Variants in VPS13A observed in about 807,000 individuals in gnomAD.
VPS13A encodes vacuolar protein sorting 13 homolog A, also known as intermembrane lipid transfer protein VPS13A.
A neutral mutation model predicts 390.9 loss-of-function variants in VPS13A; 264 were observed. The ratio of observed to expected loss-of-function variants is 0.68; its 90% confidence interval spans 0.61 to 0.75. The LOEUF (loss-of-function observed/expected upper bound fraction) is 0.75, where lower values mean the gene tolerates loss of function less well. Among genes scored for constraint, VPS13A ranks in the 30% least tolerant of loss-of-function variants. VPS13A has a pLI of 0.00. For missense variants in VPS13A, 3,409 were observed against 3,733.9 expected, an observed-to-expected ratio of 0.91 and a Z score of 2.27; for synonymous variants, 1,231 against 1,227.1, an observed-to-expected ratio of 1.00 and a Z score of -0.07.
At chr9:77,212,252 T>C (rs1204672212) in intron 7 of VPS13A, among the ~76,000 whole-genome samples, 1 of 152,154 alleles carries the variant, frequency 6.6e-6, no homozygotes, top group Non-Finnish European at 1.5e-5. Context: ...CCAGGCAATA[T>C]ACCTGGTTTT....
In VPS13A at chr9:77,283,344, T is replaced by C; in HGVS notation, c.3119-11T>C. Reference sequence around the variant, plus strand: ...TTCCTCATGTTTTATAATATGAATTTTTTTTTGCAGCTTTAAAACTATCCA... The same window carrying C: ...TTCCTCATGTTTTATAATATGAATTCTTTTTTGCAGCTTTAAAACTATCCA... On this transcript the variant is annotated splice_polypyrimidine_tract_variant and intron_variant, in intron 29 of 71. Transcript: ENST00000360280. 6.7e-7 allele frequency: 1 copy of C among 1,487,806 alleles called. No individual in the cohort carries two copies. Among genetic ancestry groups the C allele is most frequent in the Non-Finnish European group, 9.3e-7 (1 of 1,070,094 alleles). The allele number at this position is 1,487,806 out of a possible 1,614,324, so 92.2% of individuals were successfully genotyped here.
At chr9:77,191,495 C>T (rs370887007) in intron 1 of VPS13A, among the ~76,000 whole-genome samples, 5 of 152,066 alleles carry the variant, frequency 3.3e-5, no homozygotes, top group East Asian at 3.9e-4. Flanking sequence ...GACAATGTTT[C>T]ACCATGTTGG....
Position 77,273,336 on chromosome 9 carries a change from C to G in VPS13A, c.2484C>G (p.Leu828=). 1 of 1,611,350 alleles carries G rather than the reference C, an allele frequency of 6.2e-7. No homozygotes were observed. Among genetic ancestry groups the G allele is most frequent in the East Asian group, 2.2e-5 (1 of 44,662 alleles). The change falls in exon 24 of 72, where the codon CTC becomes CTG. Residue 828 remains leucine (L), a synonymous_variant. Transcript: ENST00000360280. The part of the protein sequence containing the change: ...TSQISQKIIP[L]LELPSVSEDD... ...AGATTTCACAGAAAATAATTCCTCT[C>G]TTGGAACTTCCATCTGTTTCTGAAG...
intron 67 of VPS13A, among the ~76,000 whole-genome samples, chr9:77,376,383 G>C (rs943732285): frequency 6.6e-6 from 1 of 152,154 alleles, no homozygotes; most frequent in Admixed American, 6.5e-5. Context: ...CTGCATTGAG[G>C]CGTAACCACA....
In VPS13A at chr9:77,238,018, G is replaced by T. The variant is rs535249775; in HGVS notation, c.1612G>T (p.Asp538Tyr). 6.2e-7 allele frequency: 1 copy of T among 1,608,000 alleles called. No individual in the cohort carries two copies. The highest frequency in any genetic ancestry group is 1.1e-5 in the South Asian group (1 of 90,270). The part of the protein sequence containing the change: ...AQAIKFETKI[D>Y]SFHITGLPDN... ...TTAATGCAGATTTGAAACTAAAATA[G>T]ATTCATTTCATATTACTGGCTTACC... The change falls in exon 18 of 72, where the codon GAT becomes TAT. Residue 538 changes from aspartate to tyrosine, a missense_variant. Asp to Tyr is a radical substitution (Grantham distance 160, BLOSUM62 -3). Transcript: ENST00000360280.
chr9:77,269,173 C>G (rs959812324), intron 23 of VPS13A, among the ~76,000 whole-genome samples: 3 of 152,014 alleles, frequency 2.0e-5, no homozygotes, highest in Middle Eastern at 3.4e-3. Context: ...AAGATTTTTC[C>G]CTATGTTTTT....
rs766122974 is a variant in VPS13A at position 77,247,402 on chromosome 9, A to G, written c.2037+7A>G. 3.1e-6 allele frequency: 5 copies of G among 1,602,064 alleles called. No individual in the cohort carries two copies. The Admixed American group carries it at 6.8e-5, about 22-fold the overall frequency. On this transcript the variant is annotated splice_region_variant and intron_variant, in intron 20 of 71. Transcript: ENST00000360280. ...GGACCTTGGTCATCTAAAGGTATAT[A>G]CTAATAATATTTGATTTATGATACA...
At chr9:77,377,433 A>G (rs1833166287) in intron 67 of VPS13A, among the ~76,000 whole-genome samples, 1 of 151,902 alleles carries the variant, frequency 6.6e-6, no homozygotes, top group African/African-American at 2.4e-5. Flanking sequence ...GTTAGCCAGG[A>G]TGGTCCCGAT....
rs369952997 is a variant in VPS13A, at chr9:77,306,005, C to T, written c.3961-1940C>T. ...GGTGCATGCGATAGACAGATACTAA[C>T]TGGAAGACATGGTTTAGAAGTTGTA... On this transcript the variant is annotated intron_variant, in intron 34 of 71. Transcript: ENST00000360280. 1.5e-4 allele frequency among the ~76,000 whole-genome samples: 23 copies of T among 152,208 alleles called. No individual in the cohort carries two copies. In the South Asian group the frequency reaches 2.5e-3, roughly 17 times the overall value.
At chr9:77,212,847 A>T in intron 7 of VPS13A, 122 bp from the exon 8 acceptor site, 1 of 988,788 alleles carries the variant, frequency 1.0e-6, no homozygotes, top group Non-Finnish European at 1.6e-6. Context: ...ATGGAGTGAT[A>T]TGTCTTTAAA....
rs552736134 is a variant in VPS13A, at chr9:77,259,040, C to G, written c.2289-1046C>G. On this transcript the variant is annotated intron_variant, in intron 22 of 71. Coordinates refer to ENST00000360280, the MANE Select transcript of VPS13A (RefSeq NM_033305.3). ...ATTAAAATAGCTGATTATAAGGGTA[C>G]AGGGCAGAAATGACAATGACTTAAC... is the stretch of plus-strand genomic sequence containing the variant. Among the ~76,000 whole-genome samples, 290 of 152,048 alleles carry G rather than the reference C, an allele frequency of 1.9e-3. 2 individuals carry two copies. The highest frequency in any genetic ancestry group is 0.01 in the Middle Eastern group (3 of 294).
chr9:77,316,547 AG>A (rs1829399624), intron 39 of VPS13A, 141 bp downstream of exon 39: 2 of 679,368 alleles, frequency 2.9e-6, no homozygotes, highest in Admixed American at 2.5e-5. Flanking sequence ...AGCTTAATTT[AG>A]AATATTATTT....
At position 77,314,607 on chromosome 9, in the gene VPS13A, C is replaced by G; in HGVS notation, c.4355C>G (p.Ser1452Ter). The change falls in exon 37 of 72, where the codon TCA (serine) becomes TGA (stop). Residue 1452 changes from serine (S) to a stop codon, truncating the protein, a stop_gained. Coordinates refer to ENST00000360280, the MANE Select transcript of VPS13A (RefSeq NM_033305.3). LOFTEE classifies it high-confidence loss of function. ...GATGGCTCAACATTTTCTTCCTTCT[C>G]ATTAAAAAACTGTATTTTAGATGAT... ...YTDGSTFSSF[S>*]LKNCILDDKR... 1.2e-6 allele frequency: 2 copies of G among 1,611,936 alleles called. No individual in the cohort carries two copies. The highest frequency in any genetic ancestry group is 8.5e-7 in the Non-Finnish European group (1 of 1,178,920).
rs1000697579 is a variant in VPS13A at position 77,252,425 on chromosome 9, C to T, written c.2288+73C>T. ...GTAGCTAGGGAAATACCATACTTAA[C>T]TGACTCTTCCTTGTGTGTGTGGTGA... On this transcript the variant is annotated intron_variant, in intron 22 of 71. Coordinates refer to ENST00000360280, the MANE Select transcript of VPS13A (RefSeq NM_033305.3). The T allele has an allele frequency of 4.3e-6, 5 of 1,169,452 alleles. No individual in the cohort carries two copies. The African/African-American group carries it at 7.6e-5, about 18-fold the overall frequency. 72.4% of individuals were successfully genotyped at this position (1,169,452 alleles called of 1,614,324 possible).
chr9:77,213,342 G>T (rs1412026219), intron 9 of VPS13A, 28 bp downstream of exon 9: 2 of 1,562,368 alleles, frequency 1.3e-6, no homozygotes, highest in East Asian at 4.5e-5. Context: ...GTATGTATTT[G>T]TTGGTATCAT....
chr9:77,284,532 T>C (rs879796413), intron 31 of VPS13A, among the ~76,000 whole-genome samples: 5 of 152,174 alleles, frequency 3.3e-5, no homozygotes, highest in Non-Finnish European at 7.3e-5. Context: ...TTTGCTTCTA[T>C]TGCTTTTATT....
chr9:77,237,908 A>G, intron 17 of VPS13A, 94 bp from the exon 18 acceptor site: 1 of 916,458 alleles, frequency 1.1e-6, no homozygotes, highest in South Asian at 1.5e-5. Context: ...TGCAAAGTGA[A>G]GTTGTCTTCA....
chr9:77,345,762 A>G (rs889770117), intron 52 of VPS13A, among the ~76,000 whole-genome samples: 1 of 152,066 alleles, frequency 6.6e-6, no homozygotes, highest in African/African-American at 2.4e-5. Context: ...GCACATATTT[A>G]TCATTGCACT....
intron 1 of VPS13A, among the ~76,000 whole-genome samples, chr9:77,188,573 C>T (rs1824485157): frequency 6.6e-6 from 1 of 152,144 alleles, no homozygotes; most frequent in Non-Finnish European, 1.5e-5. Context: ...TGCTGTGATG[C>T]ACATACGCAT....
Sources: allele counts gnomAD v4.1 joint callset (sites outside exome capture counted in the v4.1 genomes callset), GRCh38; gene constraint gnomAD v4.1.1; transcripts MANE v1.5; gene names NCBI Gene and HGNC (gene_info 2026-07-23, HGNC 2026-07-21).